ENPP3: variants seen among roughly 807,000 people sequenced by gnomAD.
ENPP3 encodes ectonucleotide pyrophosphatase/phosphodiesterase family member 3.
A neutral mutation model predicts 117.8 loss-of-function variants in ENPP3; 104 were observed. That is an observed-to-expected ratio of 0.88 (90% CI 0.75 to 1.04). ENPP3 has a LOEUF of 1.04. Among genes scored for constraint, ENPP3 ranks in the 50% least tolerant of loss-of-function variants. ENPP3 has a pLI of 0.00. For synonymous variants in ENPP3, 380 were observed against 349.9 expected (o/e 1.09, Z -0.96); for missense variants, 1,026 against 1,051.9 (o/e 0.98, Z 0.34).
intron 16 of ENPP3, 97 bp downstream of exon 16, chr6:131,718,835 G>T: frequency 3.0e-6 from 2 of 666,474 alleles, no homozygotes; most frequent in South Asian, 2.3e-5. Context: ...CTGTCATGGG[G>T]GTTTGTCATA....
chr6:131,640,340 A>G (rs1778016070), intron 1 of ENPP3, among the ~76,000 whole-genome samples: 1 of 152,188 alleles, frequency 6.6e-6, no homozygotes, highest in Non-Finnish European at 1.5e-5. Context: ...GTTATTTAGT[A>G]AATGCTTATG....
Position 131,718,653 on chromosome 6 carries a change from T to A in ENPP3, c.1413-19T>A. 7.4e-7 allele frequency: 1 copy of A among 1,342,830 alleles called. No individual in the cohort carries two copies. The highest frequency in any genetic ancestry group is 1.1e-6 in the Non-Finnish European group (1 of 937,662). The allele number at this position is 1,342,830 out of a possible 1,614,324, so 83.2% of individuals were successfully genotyped here. A position where few individuals can be genotyped will look rare whatever the true frequency, so the allele number is the denominator to read the frequency against. On this transcript the variant is annotated intron_variant, in intron 15 of 24. Transcript: ENST00000357639. ...TATCAATATATTGATCAGTGTGTAA[T>A]AATATTTTTTCTTTATAGGAGTAAA...
chr6:131,660,263 G>A (rs1778471073), intron 6 of ENPP3, among the ~76,000 whole-genome samples: 1 of 152,198 alleles, frequency 6.6e-6, no homozygotes, highest in Non-Finnish European at 1.5e-5. Flanking sequence ...AGCAGGCCTT[G>A]CTATTAAGGG....
chr6:131,667,552 C>T (rs190927265), intron 6 of ENPP3, among the ~76,000 whole-genome samples: 69 of 152,310 alleles, frequency 4.5e-4, no homozygotes, highest in Non-Finnish European at 8.7e-4. Flanking sequence ...TCTCAGATAG[C>T]ACCTGGAAAA....
At position 131,641,549 on chromosome 6, in the gene ENPP3, T is replaced by C; in HGVS notation, c.154+19T>C. 1 of 1,476,162 alleles carries C rather than the reference T, an allele frequency of 6.8e-7. No homozygotes were observed. The highest frequency in any genetic ancestry group is 9.5e-7 in the Non-Finnish European group (1 of 1,055,932). The allele number at this position is 1,476,162 out of a possible 1,614,324, so 91.4% of individuals were successfully genotyped here. A position where few individuals can be genotyped will look rare whatever the true frequency, so the allele number is the denominator to read the frequency against. ...AAGCAAGGTATACCCCTCAGCCTTT[T>C]CTCAGAACATTCCCTTATTTCTTCT... On this transcript the variant is annotated intron_variant, in intron 2 of 24. Transcript: ENST00000357639.
intron 21 of ENPP3, 103 bp from the exon 22 acceptor site, chr6:131,737,252 C>A: frequency 1.5e-6 from 1 of 688,390 alleles, no homozygotes; most frequent in Non-Finnish European, 2.4e-6. Flanking sequence ...TGTGCTTTGA[C>A]TGTTAATAAA....
intron 20 of ENPP3, among the ~76,000 whole-genome samples, chr6:131,732,740 T>TATC (rs1780312659): frequency 2.7e-5 from 4 of 146,556 alleles, no homozygotes; most frequent in Non-Finnish European, 6.0e-5. Context: ...TTATTATTAT[T>TATC]ATTATTATTA....
At position 131,677,779 on chromosome 6, in the gene ENPP3, A is replaced by C. The variant is rs539992286; in HGVS notation, c.939-89A>C. The stretch of plus-strand genomic sequence containing the variant: ...TAGAGAGAAAGAAAAGGCAATGGCT[A>C]GCAAGCCCAAGATCTACAAAATCCC... On this transcript the variant is annotated intron_variant, in intron 10 of 24. Transcript: ENST00000357639. The C allele has an allele frequency of 7.2e-6, 6 of 827,684 alleles. No individual in the cohort carries two copies. The East Asian group carries it at 1.5e-4, about 21-fold the overall frequency. The allele number at this position is 827,684 out of a possible 1,614,324, so 51.3% of individuals were successfully genotyped here.
chr6:131,672,982 A>G (rs895091590), intron 7 of ENPP3, among the ~76,000 whole-genome samples: 6 of 152,158 alleles, frequency 3.9e-5, no homozygotes, highest in Non-Finnish European at 8.8e-5. Flanking sequence ...CAATTTAGCC[A>G]GGATATTTGA....
At chr6:131,663,374 A>G (rs1203587145) in intron 6 of ENPP3, among the ~76,000 whole-genome samples, 3 of 151,856 alleles carry the variant, frequency 2.0e-5, no homozygotes, top group South Asian at 2.1e-4. Flanking sequence ...GGTCCCATAC[A>G]TTATAATGGA....
At chr6:131,673,410 G>C (rs1778791126) in intron 7 of ENPP3, among the ~76,000 whole-genome samples, 1 of 152,176 alleles carries the variant, frequency 6.6e-6, no homozygotes, top group Non-Finnish European at 1.5e-5. Flanking sequence ...TGGAGCTGGA[G>C]ACTATCATCC....
intron 6 of ENPP3, among the ~76,000 whole-genome samples, chr6:131,670,161 G>A (rs902521229): frequency 4.6e-5 from 7 of 152,208 alleles, no homozygotes; most frequent in African/African-American, 1.4e-4. Context: ...AATGGAAACT[G>A]TACTAAAAGT....
Position 131,746,982 on chromosome 6 carries a change from A to C in ENPP3, c.*26A>C, listed in dbSNP as rs770427549. 24 of 1,311,256 alleles carry C rather than the reference A, an allele frequency of 1.8e-5. No individual in the cohort carries two copies. In the Admixed American group the frequency reaches 5.1e-4, roughly 28 times the overall value. The allele number at this position is 1,311,256 out of a possible 1,614,324, so 81.2% of individuals were successfully genotyped here. A position where few individuals can be genotyped will look rare whatever the true frequency, so the allele number is the denominator to read the frequency against. On this transcript the variant is annotated 3_prime_UTR_variant, in exon 25 of 25. Coordinates refer to ENST00000357639, the MANE Select transcript of ENPP3 (RefSeq NM_005021.5). ...CTTAATAATGTCTACTTAATATATAATTTACTGTATAAAGTAATTTTGGCA... is the reference window on the plus strand; with the variant it reads ...CTTAATAATGTCTACTTAATATATACTTTACTGTATAAAGTAATTTTGGCA...
At chr6:131,730,658 G>A (rs1026521294) in intron 20 of ENPP3, among the ~76,000 whole-genome samples, 1 of 152,188 alleles carries the variant, frequency 6.6e-6, no homozygotes, top group Non-Finnish European at 1.5e-5. Flanking sequence ...GCTCACGCCT[G>A]TAATCCCAGC....
At chr6:131,657,710 A>G (rs373104627) in intron 5 of ENPP3, among the ~76,000 whole-genome samples, 37 of 152,350 alleles carry the variant, frequency 2.4e-4, no homozygotes, top group Middle Eastern at 6.8e-3. Context: ...GATACTGATC[A>G]TCCTTGGTGG....
intron 19 of ENPP3, among the ~76,000 whole-genome samples, chr6:131,725,792 T>C (rs1184387652): frequency 6.6e-6 from 1 of 152,138 alleles, no homozygotes; most frequent in Non-Finnish European, 1.5e-5. Flanking sequence ...CTTGGCCAAC[T>C]TACTTATGTA....
intron 2 of ENPP3, among the ~76,000 whole-genome samples, chr6:131,644,174 C>T (rs1443045223): frequency 6.6e-6 from 1 of 152,098 alleles, no homozygotes; most frequent in East Asian, 1.9e-4. Flanking sequence ...ATGAGATCTA[C>T]TAAATAAAGA....
rs142260471 is a variant in ENPP3, at chr6:131,693,227, A to G, written c.1285-270A>G. Among the ~76,000 whole-genome samples the G allele has an allele frequency of 2.0e-5, 3 of 151,404 alleles. No individual in the cohort carries two copies. The South Asian group carries it at 6.3e-4, about 32-fold the overall frequency. On this transcript the variant is annotated intron_variant, in intron 14 of 24. Coordinates refer to ENST00000357639, the MANE Select transcript of ENPP3 (RefSeq NM_005021.5). ...AGTCTCACTCTATGGCCCAGGCTGG[A>G]GTGCAATGGGGTGATCTTGGCTCAC...
In ENPP3 at chr6:131,719,382, A is replaced by AACACACACACAC. The variant is rs3032879; in HGVS notation, c.1479+672_1479+683dup. 6.7e-3 allele frequency among the ~76,000 whole-genome samples: 893 copies of AACACACACACAC among 133,172 alleles called. 4 individuals are homozygous for AACACACACACAC. Among genetic ancestry groups the AACACACACACAC allele is most frequent in the East Asian group, 8.2e-3 (38 of 4,610 alleles). 87.4% of individuals were successfully genotyped at this position (133,172 alleles called of 152,430 possible). ...GGTTATCTCATCTACTTCCATTTGT[A>AACACACACACAC]ACACACACACACACACACACACACA... On this transcript the variant is annotated intron_variant, in intron 16 of 24. Transcript: ENST00000357639.
Sources: gnomAD v4.1 joint callset for allele counts (sites outside exome capture counted in the v4.1 genomes callset) on GRCh38, gnomAD v4.1.1 for gene constraint, MANE v1.5 for transcripts, NCBI Gene and HGNC (gene_info 2026-07-23, HGNC 2026-07-21) for gene names.